Variants in PDILT observed in about 807,000 individuals in gnomAD.
PDILT encodes the protein protein disulfide-isomerase-like protein of the testis.
Under a neutral mutation model 53.7 loss-of-function variants are expected in PDILT, and 43 were observed. The observed-to-expected ratio is 0.80, with a 90% CI of 0.63 to 1.03. PDILT has a LOEUF of 1.03. Ranked by LOEUF, PDILT falls within the 50% of genes least tolerant of loss-of-function variation. The probability of loss-of-function intolerance (pLI) is 0.00; values close to 1 mark genes in which losing one functional copy is unlikely to be tolerated. For synonymous variants in PDILT, 282 were observed against 274.2 expected (o/e 1.03, Z -0.28); for missense variants, 727 against 712.3 (o/e 1.02, Z -0.24).
intron 3 of PDILT, among the ~76,000 whole-genome samples, chr16:20,377,056 A>T (rs2141602357): frequency 6.6e-6 from 1 of 152,280 alleles, no homozygotes; most frequent in Middle Eastern, 3.4e-3. Flanking sequence ...AGACTAACGC[A>T]GGAGAATCAC....
At chr16:20,365,282 C>T (rs1716880906) in intron 9 of PDILT, 138 bp downstream of exon 9, 8 of 912,132 alleles carry the variant, frequency 8.8e-6, no homozygotes, top group Non-Finnish European at 1.4e-5. Context: ...TGAGTCAATC[C>T]CTTTGGGTAT....
Position 20,360,175 on chromosome 16 carries a change from C to G in PDILT, c.1506+393G>C, listed in dbSNP as rs180697919. ...TTTCCAGTGGAAGTCTTAATTAATA[C>G]AGAGGGCACTGTCCAGCAGAGGGCC... On this transcript the variant is annotated intron_variant, in intron 11 of 11. Transcript: ENST00000302451. Among the ~76,000 whole-genome samples, 1,413 of 151,652 alleles carry G rather than the reference C, an allele frequency of 9.3e-3. 14 individuals are homozygous for G. The highest frequency in any genetic ancestry group is 0.029 in the African/African-American group (1,198 of 41,102).
chr16:20,375,086 C>A, intron 4 of PDILT, 127 bp from the exon 5 acceptor site: 5 of 1,059,906 alleles, frequency 4.7e-6, no homozygotes, highest in Non-Finnish European at 6.7e-6. Flanking sequence ...TTGCCTGGGT[C>A]ACCCAAATCC....
intron 8 of PDILT, among the ~76,000 whole-genome samples, chr16:20,366,660 T>G (rs796166831): frequency 9.2e-5 from 14 of 152,348 alleles, no homozygotes; most frequent in African/African-American, 3.4e-4. Context: ...CAGCTTTTGC[T>G]TCTTTTTGAA....
chr16:20,404,719 GC>G lies in PDILT; in HGVS notation c.-232del, dbSNP rs1362010796. 6.6e-6 allele frequency: 1 copy of G among 152,516 alleles called. No homozygotes were observed. Among genetic ancestry groups the G allele is most frequent in the Non-Finnish European group, 1.5e-5 (1 of 68,276 alleles). The allele number at this position is 152,516 out of a possible 1,614,324, so 9.4% of individuals were successfully genotyped here. On this transcript the variant is annotated 5_prime_UTR_variant, in exon 1 of 12. Transcript: ENST00000302451. ...TCCTGGGCACACAGAGGCCACAGCA[GC>G]CTCAGCAGCAAAGTTCTGAGTTCTG...
At chr16:20,376,579 A>C (rs1051612101) in intron 3 of PDILT, among the ~76,000 whole-genome samples, 5 of 152,236 alleles carry the variant, frequency 3.3e-5, no homozygotes, top group African/African-American at 9.6e-5. Flanking sequence ...AGGCATTTCC[A>C]GACTTCTTTT....
At chr16:20,386,831 T>C (rs939614593) in intron 2 of PDILT, among the ~76,000 whole-genome samples, 1 of 152,244 alleles carries the variant, frequency 6.6e-6, no homozygotes, top group African/African-American at 2.4e-5. Flanking sequence ...GATTGCTGAT[T>C]GACATAGAAT....
chr16:20,399,786 G>C (rs1355967577), intron 1 of PDILT, among the ~76,000 whole-genome samples: 2 of 149,780 alleles, frequency 1.3e-5, no homozygotes, highest in Admixed American at 1.4e-4. Flanking sequence ...ACTACCTGCA[G>C]TGTACCCTGT....
Position 20,359,427 on chromosome 16 carries a change from T to G in PDILT, c.1647A>C (p.Glu549Asp). Residue 549 changes from glutamate to aspartate, a missense_variant, in exon 12 of 12, where the codon GAA becomes GAC. Transcript: ENST00000302451. The part of the protein sequence containing the change: ...ENMTKYVSKL[E>D]EPAGKKKTSE... ...ATGTTTTCTTCTTCCCAGCGGGCTC[T>G]TCCAGCTTGGATACGTACTTGGTCA... is the stretch of plus-strand genomic sequence containing the variant. 6.2e-7 allele frequency: 1 copy of G among 1,614,224 alleles called. No individual in the cohort carries two copies. The highest frequency in any genetic ancestry group is 2.2e-5 in the East Asian group (1 of 44,876).
At chr16:20,384,542 TC>T in intron 3 of PDILT, 102 bp downstream of exon 3, 2 of 1,376,490 alleles carry the variant, frequency 1.5e-6, no homozygotes, top group Non-Finnish European at 1.0e-6. Flanking sequence ...GGATCCTGGG[TC>T]CCCGAGAAGC....
At chr16:20,362,870 G>A (rs1479679477) in intron 9 of PDILT, among the ~76,000 whole-genome samples, 3 of 151,826 alleles carry the variant, frequency 2.0e-5, no homozygotes, top group Non-Finnish European at 2.9e-5. Context: ...TCAGGAGTTC[G>A]AGATCAGCCT....
intron 2 of PDILT, among the ~76,000 whole-genome samples, chr16:20,386,386 A>G (rs1336737485): frequency 3.9e-5 from 6 of 152,164 alleles, no homozygotes; most frequent in Admixed American, 3.9e-4. Context: ...TCAAGCCAGA[A>G]CATTTTATCT....
intron 9 of PDILT, among the ~76,000 whole-genome samples, chr16:20,363,259 C>A (rs2141699861): frequency 6.6e-6 from 1 of 152,268 alleles, no homozygotes; most frequent in South Asian, 2.1e-4. Context: ...CAAACTCAAA[C>A]TCCTGGGCTC....
At position 20,359,342 on chromosome 16, in the gene PDILT, G is replaced by A; in HGVS notation, c.1732C>T (p.Pro578Ser). Reference sequence around the variant, plus strand: ...AGCTAAAGTTCTTCCTTGACTTTTGGTTTCTTCTTTTGCACTGGAGGTCCC... The same window carrying A: ...AGCTAAAGTTCTTCCTTGACTTTTGATTTCTTCTTTTGCACTGGAGGTCCC... ...PKGPPVQKKKPKVKEEL is the reference protein window; with the variant it reads ...PKGPPVQKKKSKVKEEL Residue 578 changes from proline (P) to serine (S), a missense_variant, in exon 12 of 12, where the codon CCA (proline) becomes TCA (serine). Pro to Ser is a moderately conservative substitution (Grantham distance 74). Coordinates refer to ENST00000302451, the MANE Select transcript of PDILT (RefSeq NM_174924.2). The A allele has an allele frequency of 6.2e-7, 1 of 1,613,798 alleles. No individual in the cohort carries two copies. Among genetic ancestry groups the A allele is most frequent in the East Asian group, 2.2e-5 (1 of 44,878 alleles).
intron 7 of PDILT, among the ~76,000 whole-genome samples, 178 bp from the exon 8 acceptor site, chr16:20,369,867 T>C (rs962333122): frequency 4.6e-5 from 7 of 152,230 alleles, no homozygotes; most frequent in African/African-American, 1.7e-4. Context: ...GCCACCAGCC[T>C]GGCTTCAGCC....
chr16:20,365,832 C>T (rs1966183805), intron 8 of PDILT, among the ~76,000 whole-genome samples: 1 of 151,108 alleles, frequency 6.6e-6, no homozygotes, highest in Non-Finnish European at 1.5e-5. Context: ...CCTATAATCA[C>T]AGCACTTTGG....
chr16:20,383,217 T>C (rs7197661), intron 3 of PDILT, among the ~76,000 whole-genome samples: 122,573 of 152,078 alleles, frequency 0.81, 50,665 homozygotes, highest in Non-Finnish European at 0.91. Context: ...GTGGAGTCAG[T>C]TCTCTCCTGC....
chr16:20,360,721 C>T, intron 10 of PDILT, 64 bp from the exon 11 acceptor site: 1 of 1,254,528 alleles, frequency 8.0e-7, no homozygotes, highest in Non-Finnish European at 1.2e-6. Flanking sequence ...TCGAGGATTG[C>T]TACCTAGGTA....
chr16:20,377,736 CA>C (rs1053165023), intron 3 of PDILT, among the ~76,000 whole-genome samples: 14 of 152,234 alleles, frequency 9.2e-5, no homozygotes, highest in African/African-American at 3.4e-4. Context: ...GGGCGGATCA[CA>C]AGGTCAGGAG....
Sources: gnomAD v4.1 joint callset for allele counts (sites outside exome capture counted in the v4.1 genomes callset) on GRCh38, gnomAD v4.1.1 for gene constraint, MANE v1.5 for transcripts, NCBI Gene and HGNC (gene_info 2026-07-23, HGNC 2026-07-21) for gene names.